NDRG2: variants seen among roughly 807,000 people sequenced by gnomAD.
NDRG2 encodes protein NDRG2.
Under a neutral mutation model 58.2 loss-of-function variants are expected in NDRG2, and 34 were observed. That is an observed-to-expected ratio of 0.58 (90% CI 0.44 to 0.78). The LOEUF is 0.78. NDRG2 is among the 30% of genes least tolerant of loss of function. The pLI is 0.00. For synonymous variants in NDRG2, 187 were observed against 175.9 expected, an observed-to-expected ratio of 1.06 and a Z score of -0.50; for missense variants, 434 against 471.2, an observed-to-expected ratio of 0.92 and a Z score of 0.73.
rs796096401 is a variant in NDRG2, at chr14:21,017,642, G to C, written c.1070C>G (p.Thr357Ser). ...GTGCCCCGGGGGCCCCGAAGAAAGA[G>C]TTCCAGACTCGCTGCTCTGGGACAG... ...RTLSQSSESG[T>S]LSSGPPGHTM... The change falls in exon 16 of 16, where the codon ACT becomes AGT. Residue 357 changes from threonine to serine, a missense_variant. By Grantham distance (58) the Thr-to-Ser change is moderately conservative. Transcript: ENST00000556147. 2 of 1,613,678 alleles carry C rather than the reference G, an allele frequency of 1.2e-6. No homozygotes were observed. The highest frequency in any genetic ancestry group is 2.2e-5 in the South Asian group (2 of 90,904).
upstream of NDRG2, chr14:21,030,469 T>G: frequency 8.8e-7 from 1 of 1,138,132 alleles, no homozygotes; most frequent in Non-Finnish European, 1.3e-6. Context: ...CTGTTCCTGT[T>G]GCTGACTGAT....
In NDRG2 at chr14:21,032,304, C is replaced by A. The variant is rs1029244624; in HGVS notation, c.25-8983G>T. ...CTTATGCCTACCAGCCATCAGTTAGCATTCCTCCTCAACAGCTGCTTCCAA... is the reference window on the plus strand; with the variant it reads ...CTTATGCCTACCAGCCATCAGTTAGAATTCCTCCTCAACAGCTGCTTCCAA... On this transcript the variant is annotated intron_variant, in intron 1 of 14. Transcript: ENST00000403829. 10 of 631,706 alleles carry A rather than the reference C, an allele frequency of 1.6e-5. No homozygotes were observed. In the African/African-American group the frequency reaches 1.8e-4, roughly 11 times the overall value. 39.1% of individuals were successfully genotyped at this position (631,706 alleles called of 1,614,324 possible).
Position 21,024,949 on chromosome 14 carries a change from G to A in NDRG2, c.-926C>T, listed in dbSNP as rs2297062. 85,077 of 985,510 alleles carry A rather than the reference G, an allele frequency of 0.086. 3,909 individuals are homozygous for A. Among genetic ancestry groups the A allele is most frequent in the East Asian group, 0.17 (1,521 of 8,764 alleles). The allele number at this position is 985,510 out of a possible 1,614,324, so 61.0% of individuals were successfully genotyped here. A position where few individuals can be genotyped will look rare whatever the true frequency, so the allele number is the denominator to read the frequency against. ...TTCCCCCGAGCCTCCAGCTCCAGGG[G>A]ACGCGGATCAATCACACCGCCCGCC... On this transcript the variant is annotated 5_prime_UTR_variant, in exon 1 of 16. Transcript: ENST00000556147.
intron 5 of NDRG2, 90 bp downstream of exon 5, chr14:21,021,972 T>C: frequency 6.2e-7 from 1 of 1,611,538 alleles, no homozygotes; most frequent in East Asian, 2.2e-5. Flanking sequence ...GAATAACCAC[T>C]GCCCTCCCTT....
chr14:21,030,295 G>C (rs1020903330), upstream of NDRG2: 2 of 371,524 alleles, frequency 5.4e-6, no homozygotes, highest in East Asian at 5.0e-5. Context: ...CACCATCCGG[G>C]TACTCTAAGG....
chr14:21,070,341 G>T lies in NDRG2; in HGVS notation c.24+487C>A. The T allele has an allele frequency of 7.1e-7, 1 of 1,402,178 alleles. No homozygotes were observed. Among genetic ancestry groups the T allele is most frequent in the Non-Finnish European group, 9.2e-7 (1 of 1,082,928 alleles). The allele number at this position is 1,402,178 out of a possible 1,614,324, so 86.9% of individuals were successfully genotyped here. On this transcript the variant is annotated intron_variant, in intron 1 of 14. Coordinates refer to the NDRG2 transcript ENST00000403829. This position sits in a 1 kb window ranked among gnomAD's most constrained non-coding sequence, Gnocchi z 4.7. Reference sequence around the variant, plus strand: ...ACACGAGCGGCGGGAGGGAGGCGGTGGCGCGCCCGGCCCCGCCCGCCCGAC... The same window carrying T: ...ACACGAGCGGCGGGAGGGAGGCGGTTGCGCGCCCGGCCCCGCCCGCCCGAC...
chr14:21,026,529 G>A (rs574995533), upstream of NDRG2, among the ~76,000 whole-genome samples: 23 of 50,696 alleles, frequency 4.5e-4, no homozygotes, highest in Non-Finnish European at 7.2e-4. Flanking sequence ...CTCACCACCC[G>A]CAATACCCCT....
intron 1 of NDRG2, among the ~76,000 whole-genome samples, chr14:21,046,676 AC>A (rs1431735631): frequency 1.3e-5 from 2 of 152,130 alleles, no homozygotes; most frequent in African/African-American, 2.4e-5. Flanking sequence ...TCCAAGTATA[AC>A]CTTTGACTCC....
chr14:21,050,764 T>C (rs544483475), intron 1 of NDRG2, among the ~76,000 whole-genome samples: 4 of 152,314 alleles, frequency 2.6e-5, no homozygotes, highest in South Asian at 4.1e-4. Context: ...GGCTGTACTG[T>C]GGTTATGCAC....
intron 1 of NDRG2, chr14:21,058,342 G>C (rs1359183446): frequency 1.9e-5 from 31 of 1,608,104 alleles, no homozygotes; most frequent in Non-Finnish European, 2.5e-5. Context: ...CTGTGCACTT[G>C]GATAAAGTTG....
rs143975728 is a variant in NDRG2 at position 21,031,022 on chromosome 14, G to T, written c.25-7701C>A. On this transcript the variant is annotated intron_variant, in intron 1 of 14. Coordinates refer to the NDRG2 transcript ENST00000403829. ...TGTCTAACTGACCAGGGCCAAGAAC[G>T]CCCGAACCATCACGTTTCAACAGTT... 1.9e-6 allele frequency: 3 copies of T among 1,609,076 alleles called. No homozygotes were observed. In the South Asian group the frequency reaches 3.3e-5, roughly 18 times the overall value.
At chr14:21,032,196 AT>A in intron 1 of NDRG2, 4 of 1,050,630 alleles carry the variant, frequency 3.8e-6, no homozygotes, top group Non-Finnish European at 5.8e-6. Flanking sequence ...TGAGGGACAG[AT>A]GAGCCTACTA....
chr14:21,037,125 C>G (rs544673681), intron 1 of NDRG2, among the ~76,000 whole-genome samples: 8 of 152,262 alleles, frequency 5.3e-5, no homozygotes, highest in African/African-American at 1.9e-4. Context: ...TCGCTCCCCC[C>G]ACCCAACACC....
chr14:21,059,846 C>T (rs1241329329), intron 1 of NDRG2, among the ~76,000 whole-genome samples: 1 of 152,182 alleles, frequency 6.6e-6, no homozygotes, highest in Non-Finnish European at 1.5e-5. Context: ...CTTAATGTTT[C>T]CTCTCAATTT....
At chr14:21,023,663 G>C (rs1882108015) in intron 1 of NDRG2, 1 of 267,480 alleles carries the variant, frequency 3.7e-6, no homozygotes, top group South Asian at 6.4e-5. Flanking sequence ...CTATATTTAG[G>C]GGCCACCCCA....
In NDRG2 at chr14:21,059,523, C is replaced by T. The variant is rs147131873; in HGVS notation, c.24+11305G>A. ...TTTGCTTTTTGTTTTGAGACAGGGT[C>T]TCACTCTGTCACCCATGCTGCAGTG... On this transcript the variant is annotated intron_variant, in intron 1 of 14. Transcript: ENST00000403829. 4.0e-5 allele frequency among the ~76,000 whole-genome samples: 6 copies of T among 151,298 alleles called. No homozygotes were observed. In the East Asian group the frequency reaches 1.2e-3, roughly 29 times the overall value.
intron 6 of NDRG2, chr14:21,021,423 CT>C: frequency 3.2e-6 from 1 of 313,290 alleles, no homozygotes; most frequent in Non-Finnish European, 6.2e-6. Context: ...CCAACTCTCT[CT>C]CACCCGCAGA....
intron 1 of NDRG2, among the ~76,000 whole-genome samples, chr14:21,066,035 G>A (rs899393178): frequency 6.6e-6 from 1 of 152,150 alleles, no homozygotes; most frequent in African/African-American, 2.4e-5. Context: ...GGAGGTACAG[G>A]TTGCAGTGAG....
In NDRG2 at chr14:21,019,108, A is replaced by G. The variant is rs1262201780; in HGVS notation, c.761+8T>C. Reference sequence around the variant, plus strand: ...AGACAGGCAATGCATTATCTCTTAAAGTCTTACCTGAGGGTGATATCACCT... The same window carrying G: ...AGACAGGCAATGCATTATCTCTTAAGGTCTTACCTGAGGGTGATATCACCT... On this transcript the variant is annotated splice_region_variant and intron_variant, in intron 11 of 15. Coordinates refer to ENST00000556147, the MANE Select transcript of NDRG2 (RefSeq NM_001320329.2). 12 of 1,607,494 alleles carry G rather than the reference A, an allele frequency of 7.5e-6. No homozygotes were observed. Among genetic ancestry groups the G allele is most frequent in the Non-Finnish European group, 1.0e-5 (12 of 1,177,748 alleles).
Sources: allele counts gnomAD v4.1 joint callset (sites outside exome capture counted in the v4.1 genomes callset), GRCh38; gene constraint gnomAD v4.1.1; non-coding constraint Gnocchi (gnomAD v3.1); transcripts MANE v1.5; gene names NCBI Gene and HGNC (gene_info 2026-07-23, HGNC 2026-07-21).